GABRG1: variants seen among roughly 807,000 people sequenced by gnomAD.
GABRG1 encodes gamma-aminobutyric acid receptor subunit gamma-1.
A neutral mutation model predicts 49.8 loss-of-function variants in GABRG1; 49 were observed. The observed-to-expected ratio is 0.98, with a 90% CI of 0.78 to 1.25. GABRG1 has a LOEUF of 1.25. Among genes scored for constraint, GABRG1 ranks in the 50% most tolerant of loss-of-function variants. The pLI, the probability that GABRG1 is intolerant of heterozygous loss-of-function variation, is 0.00. For missense variants in GABRG1, 552 were observed against 552.3 expected (o/e 1.00, Z 0.01); for synonymous variants, 232 against 185.1 (o/e 1.25, Z -2.06).
chr4:46,076,864 A>G (rs1719359613), intron 3 of GABRG1, among the ~76,000 whole-genome samples: 1 of 151,830 alleles, frequency 6.6e-6, no homozygotes, highest in Admixed American at 6.6e-5. Flanking sequence ...CACTTTCAAT[A>G]TTTGACCAAA....
rs979077287 is a variant in GABRG1, at chr4:46,040,366, G to C, written c.*622C>G. ...CAACTGGCGTTCTGTTTAATATTGTGTCAGAAAATGGACTGGATTAAAAGA... is the reference window on the plus strand; with the variant it reads ...CAACTGGCGTTCTGTTTAATATTGTCTCAGAAAATGGACTGGATTAAAAGA... On this transcript the variant is annotated 3_prime_UTR_variant, in exon 9 of 9. Coordinates refer to ENST00000295452, the MANE Select transcript of GABRG1 (RefSeq NM_173536.4). The C allele has an allele frequency of 6.6e-6, 1 of 152,208 alleles. No homozygotes were observed. Among genetic ancestry groups the C allele is most frequent in the Non-Finnish European group, 1.5e-5 (1 of 67,882 alleles). 9.4% of individuals were successfully genotyped at this position (152,208 alleles called of 1,614,324 possible).
intron 3 of GABRG1, among the ~76,000 whole-genome samples, 186 bp from the exon 4 acceptor site, chr4:46,065,770 C>T (rs1198949657): frequency 7.9e-5 from 12 of 152,072 alleles, no homozygotes; most frequent in African/African-American, 2.4e-4. Flanking sequence ...TCTCCCAGGC[C>T]GGAGTGCAGT....
At chr4:46,105,791 T>TAGATGATAGATAGATA (rs1553883516) in intron 1 of GABRG1, among the ~76,000 whole-genome samples, 48 of 144,658 alleles carry the variant, frequency 3.3e-4, no homozygotes, top group East Asian at 1.7e-3. Context: ...GGTAGATAGA[T>TAGATGATAGATAGATA]GATAGATAGA....
In GABRG1 at chr4:46,065,277, A is replaced by G. The variant is rs183262357; in HGVS notation, c.542+87T>C. Reference sequence around the variant, plus strand: ...GGAGCTCCACATTTTTGGTTTTGCAACTTTGAGAAATAAAAAATTAAGAAT... The same window carrying G: ...GGAGCTCCACATTTTTGGTTTTGCAGCTTTGAGAAATAAAAAATTAAGAAT... On this transcript the variant is annotated intron_variant, in intron 4 of 8. Coordinates refer to ENST00000295452, the MANE Select transcript of GABRG1 (RefSeq NM_173536.4). 8 of 969,312 alleles carry G rather than the reference A, an allele frequency of 8.3e-6. No homozygotes were observed. The Admixed American group carries it at 1.1e-4, about 14-fold the overall frequency. The allele number at this position is 969,312 out of a possible 1,614,324, so 60.0% of individuals were successfully genotyped here.
rs1183860125 is a variant in GABRG1, at chr4:46,051,466, T to C, written c.1089A>G (p.Gly363=). The change falls in exon 8 of 9, where the codon GGA becomes GGG. Residue 363 remains glycine (G), a synonymous_variant. Coordinates refer to ENST00000295452, the MANE Select transcript of GABRG1 (RefSeq NM_173536.4). ...TLHYFTSNQK[G]KTATKDRKLK... ...GCTTTCTGTCTTTAGTAGCAGTCTT[T>C]CCTTTTTGGTTGCTGGTAAAATAAT... 1 of 1,610,668 alleles carries C rather than the reference T, an allele frequency of 6.2e-7. No homozygotes were observed. The highest frequency in any genetic ancestry group is 1.1e-5 in the South Asian group (1 of 90,946).
intron 3 of GABRG1, among the ~76,000 whole-genome samples, chr4:46,079,005 T>C (rs1719462545): frequency 6.6e-6 from 1 of 151,782 alleles, no homozygotes; most frequent in Admixed American, 6.6e-5. Context: ...ATCCCTCATT[T>C]ACATTCTATA....
intron 1 of GABRG1, among the ~76,000 whole-genome samples, chr4:46,110,329 G>A (rs934931766): frequency 1.3e-5 from 2 of 150,924 alleles, no homozygotes; most frequent in Non-Finnish European, 3.0e-5. Context: ...ATAACATAGT[G>A]AACCCTGCTC....
intron 8 of GABRG1, among the ~76,000 whole-genome samples, chr4:46,042,935 CAG>C (rs780361103): frequency 2.6e-5 from 4 of 151,716 alleles, no homozygotes; most frequent in Non-Finnish European, 4.4e-5. Context: ...ATGTTAATGA[CAG>C]ATCTTTTGAG....
In GABRG1 at chr4:46,036,688, G is replaced by A. The variant is rs956113674; in HGVS notation, c.*4300C>T. ...TCTCCGCTGAAGACTTGTGTCACAA[G>A]AGTACGGATTTCATCCTCATATTAG... On this transcript the variant is annotated 3_prime_UTR_variant, in exon 9 of 9. Coordinates refer to ENST00000295452, the MANE Select transcript of GABRG1 (RefSeq NM_173536.4). 1.3e-5 allele frequency: 2 copies of A among 151,944 alleles called. No homozygotes were observed. Among genetic ancestry groups the A allele is most frequent in the African/African-American group, 4.8e-5 (2 of 41,416 alleles). The allele number at this position is 151,944 out of a possible 1,614,324, so 9.4% of individuals were successfully genotyped here. A position where few individuals can be genotyped will look rare whatever the true frequency, so the allele number is the denominator to read the frequency against.
chr4:46,076,955 C>T (rs868177357), intron 3 of GABRG1, among the ~76,000 whole-genome samples: 1 of 151,250 alleles, frequency 6.6e-6, no homozygotes, highest in South Asian at 2.1e-4. Flanking sequence ...TAATATTACT[C>T]TTAATTACAG....
intron 3 of GABRG1, among the ~76,000 whole-genome samples, chr4:46,077,445 A>G (rs1024353690): frequency 6.6e-6 from 1 of 152,086 alleles, no homozygotes; most frequent in Non-Finnish European, 1.5e-5. Context: ...ACCACTAGAT[A>G]TAATATTTCA....
chr4:46,059,652 A>G (rs1038294194), intron 5 of GABRG1, among the ~76,000 whole-genome samples: 1 of 151,928 alleles, frequency 6.6e-6, no homozygotes, highest in Admixed American at 6.6e-5. Flanking sequence ...ACCTCAGGTG[A>G]TCTGCTCCCC....
chr4:46,056,138 TAAATAAATAAATTA>T (rs1718422886), intron 7 of GABRG1, among the ~76,000 whole-genome samples: 1 of 7,890 alleles, frequency 1.3e-4, no homozygotes, highest in African/African-American at 8.4e-4. Context: ...AAAAAAAAAA[TAAATAAATAAATTA>T]AAAAAAAAAA....
intron 2 of GABRG1, among the ~76,000 whole-genome samples, chr4:46,090,491 A>G (rs1432133664): frequency 4.6e-5 from 7 of 152,054 alleles, no homozygotes; most frequent in Admixed American, 4.6e-4. Flanking sequence ...AATTAGGAAT[A>G]TAGTGATTTA....
chr4:46,118,132 G>GTGTATA (rs377481920), intron 1 of GABRG1, among the ~76,000 whole-genome samples: 1 of 109,982 alleles, frequency 9.1e-6, no homozygotes, highest in African/African-American at 5.6e-5. Context: ...GTGTGTGTGT[G>GTGTATA]TATATATATA....
chr4:46,116,346 G>C (rs1469576385), intron 1 of GABRG1, among the ~76,000 whole-genome samples: 2 of 150,658 alleles, frequency 1.3e-5, no homozygotes, highest in Non-Finnish European at 3.0e-5. Context: ...CCATTTTTAA[G>C]TTCATTTTCA....
intron 3 of GABRG1, among the ~76,000 whole-genome samples, chr4:46,071,823 G>A (rs1337018794): frequency 6.6e-6 from 1 of 151,946 alleles, no homozygotes; most frequent in Non-Finnish European, 1.5e-5. Context: ...TTATGAAAAT[G>A]TCAAACTTAT....
intron 7 of GABRG1, 53 bp downstream of exon 7, chr4:46,058,164 A>C (rs1297867801): frequency 5.3e-6 from 8 of 1,517,640 alleles, no homozygotes; most frequent in Non-Finnish European, 7.1e-6. Flanking sequence ...TTATCACATC[A>C]AAATGATTTT....
At chr4:46,102,583 C>T (rs868828187) in intron 1 of GABRG1, among the ~76,000 whole-genome samples, 2 of 150,364 alleles carry the variant, frequency 1.3e-5, no homozygotes, top group South Asian at 2.1e-4. Context: ...GCCATCTTGA[C>T]ATCTGTTTCT....
Sources: allele counts gnomAD v4.1 joint callset (sites outside exome capture counted in the v4.1 genomes callset), GRCh38; gene constraint gnomAD v4.1.1; transcripts MANE v1.5; gene names NCBI Gene and HGNC (gene_info 2026-07-23, HGNC 2026-07-21).